CHRM3: variants seen among roughly 807,000 people sequenced by gnomAD.
The protein encoded by CHRM3 is muscarinic acetylcholine receptor M3.
A neutral mutation model predicts 41.8 loss-of-function variants in CHRM3; 11 were observed. The ratio of observed to expected loss-of-function variants is 0.26; its 90% CI spans 0.17 to 0.44. The LOEUF (loss-of-function observed/expected upper bound fraction) is 0.44, where lower values mean the gene tolerates loss of function less well. Ranked by LOEUF, CHRM3 falls within the 20% of genes least tolerant of loss-of-function variation. The probability of loss-of-function intolerance (pLI) is 1.00; values close to 1 mark genes in which losing one functional copy is unlikely to be tolerated. For synonymous variants in CHRM3, 297 were observed against 301.4 expected (o/e 0.99, Z 0.15); for missense variants, 571 against 745.4 (o/e 0.77, Z 2.72).
At chr1:239,654,805 A>C (rs928760418) in intron 4 of CHRM3, among the ~76,000 whole-genome samples, 1 of 152,190 alleles carries the variant, frequency 6.6e-6, no homozygotes, top group Non-Finnish European at 1.5e-5. Context: ...AAGTGGAGAG[A>C]CTAAATCAGA....
At chr1:239,591,419 T>C (rs1232684487) in intron 3 of CHRM3, among the ~76,000 whole-genome samples, 1 of 152,180 alleles carries the variant, frequency 6.6e-6, no homozygotes, top group African/African-American at 2.4e-5. Context: ...GTCTTGCCTA[T>C]AGCTGGAATC....
chr1:239,417,780 A>G (rs1661617596), intron 1 of CHRM3, among the ~76,000 whole-genome samples: 1 of 152,154 alleles, frequency 6.6e-6, no homozygotes, highest in Non-Finnish European at 1.5e-5. Flanking sequence ...CAATTTGAAA[A>G]GCAGCAAATC....
At chr1:239,768,317 TG>T (rs1667385275) in intron 5 of CHRM3, among the ~76,000 whole-genome samples, 1 of 152,198 alleles carries the variant, frequency 6.6e-6, no homozygotes, top group African/African-American at 2.4e-5. Flanking sequence ...ATCAGATTTT[TG>T]GGGGGAAAAC....
At chr1:239,483,692 T>C (rs1667008716) in intron 1 of CHRM3, among the ~76,000 whole-genome samples, 1 of 152,200 alleles carries the variant, frequency 6.6e-6, no homozygotes, top group Non-Finnish European at 1.5e-5. Context: ...TGAAAAATTA[T>C]TTGAGCACCT....
At chr1:239,532,009 C>T (rs1339444346) in intron 2 of CHRM3, among the ~76,000 whole-genome samples, 34 of 76,304 alleles carry the variant, frequency 4.5e-4, no homozygotes, top group African/African-American at 9.7e-4. Context: ...TTCCTTCTTT[C>T]TTTTTTTTTT....
chr1:239,692,531 T>C (rs1659816759), intron 5 of CHRM3, among the ~76,000 whole-genome samples: 1 of 152,198 alleles, frequency 6.6e-6, no homozygotes, highest in South Asian at 2.1e-4. Flanking sequence ...TCAAACCTGA[T>C]TAGACTCTAA....
chr1:239,899,071 T>C (rs66892933), intron 6 of CHRM3, among the ~76,000 whole-genome samples: 24,824 of 152,112 alleles, frequency 0.16, 2,284 homozygotes, highest in African/African-American at 0.21. Context: ...TTTCCAACAT[T>C]ATTCAACACA....
At chr1:239,579,710 T>G (rs913074829) in intron 3 of CHRM3, among the ~76,000 whole-genome samples, 2 of 152,212 alleles carry the variant, frequency 1.3e-5, no homozygotes, top group Non-Finnish European at 2.9e-5. Flanking sequence ...ATTTTGGACT[T>G]TTTAAAATGT....
At chr1:239,623,507 T>G (rs2148826003) in intron 3 of CHRM3, among the ~76,000 whole-genome samples, 1 of 146,318 alleles carries the variant, frequency 6.8e-6, no homozygotes, top group South Asian at 2.3e-4. Context: ...AATTTTTTTT[T>G]TTTATTATAC....
chr1:239,461,791 C>T (rs1419216830), intron 1 of CHRM3, among the ~76,000 whole-genome samples: 4 of 151,962 alleles, frequency 2.6e-5, no homozygotes, highest in African/African-American at 7.3e-5. Flanking sequence ...GACATCAGGA[C>T]GTCAGCATAT....
intron 4 of CHRM3, among the ~76,000 whole-genome samples, chr1:239,648,506 G>A (rs1264055960): frequency 6.6e-6 from 1 of 152,258 alleles, no homozygotes; most frequent in East Asian, 1.9e-4. Context: ...TGCACTAATT[G>A]TTCATCTAGA....
At chr1:239,612,292 GT>G (rs1387537650) in intron 3 of CHRM3, among the ~76,000 whole-genome samples, 1 of 152,070 alleles carries the variant, frequency 6.6e-6, no homozygotes, top group East Asian at 1.9e-4. Context: ...TATTTAACCA[GT>G]TTTTGCTTAA....
intron 5 of CHRM3, among the ~76,000 whole-genome samples, chr1:239,683,401 A>T (rs915730101): frequency 2.0e-5 from 3 of 152,180 alleles, no homozygotes; most frequent in Non-Finnish European, 4.4e-5. Context: ...GCAGAGAGAG[A>T]GAGACATCGT....
intron 3 of CHRM3, among the ~76,000 whole-genome samples, chr1:239,579,000 C>T (rs1380848273): frequency 6.6e-6 from 1 of 152,184 alleles, no homozygotes; most frequent in Non-Finnish European, 1.5e-5. Flanking sequence ...GTAAGTATCT[C>T]ACTGTTCCAT....
chr1:239,835,207 T>C (rs1350644349), intron 6 of CHRM3, among the ~76,000 whole-genome samples: 1 of 152,236 alleles, frequency 6.6e-6, no homozygotes, highest in Non-Finnish European at 1.5e-5. Flanking sequence ...AACAGGAAAC[T>C]GGGCAGATCT....
chr1:239,609,758 T>A (rs1572909259), intron 3 of CHRM3, among the ~76,000 whole-genome samples: 1 of 152,306 alleles, frequency 6.6e-6, no homozygotes, highest in East Asian at 1.9e-4. Flanking sequence ...CATCTTTTCA[T>A]ATACTTAGTT....
intron 1 of CHRM3, among the ~76,000 whole-genome samples, chr1:239,391,115 A>G (rs1222201356): frequency 1.3e-5 from 2 of 152,212 alleles, no homozygotes; most frequent in Non-Finnish European, 2.9e-5. Context: ...TCCAGCCTGT[A>G]CGAGAGTCTG....
chr1:239,654,491 TGGG>T (rs946127551), intron 4 of CHRM3, among the ~76,000 whole-genome samples: 151 of 152,288 alleles, frequency 9.9e-4, no homozygotes, highest in African/African-American at 3.5e-3. Flanking sequence ...CTTCGCCTCC[TGGG>T]TTCAAGTGAT....
intron 5 of CHRM3, among the ~76,000 whole-genome samples, chr1:239,699,414 T>G (rs1242967260): frequency 1.3e-5 from 2 of 152,232 alleles, no homozygotes; most frequent in East Asian, 3.9e-4. Context: ...TGTCTTTTCC[T>G]TCACACTTGC....
Sources: allele counts gnomAD v4.1 joint callset (sites outside exome capture counted in the v4.1 genomes callset), GRCh38; gene constraint gnomAD v4.1.1; transcripts MANE v1.5; gene names NCBI Gene and HGNC (gene_info 2026-07-23, HGNC 2026-07-21).